Variants in MVB12B observed in about 807,000 individuals in gnomAD.
MVB12B encodes multivesicular body subunit 12B, also known as ESCRT-I complex subunit MVB12B.
MVB12B carries 16 observed loss-of-function variants against 41.6 expected under a neutral mutation model. The ratio of observed to expected loss-of-function variants is 0.38; its 90% CI spans 0.26 to 0.58. MVB12B has a LOEUF of 0.58. Among genes scored for constraint, MVB12B ranks in the 20% least tolerant of loss-of-function variants. The probability of loss-of-function intolerance (pLI) is 0.62; values close to 1 mark genes in which losing one functional copy is unlikely to be tolerated. For synonymous variants in MVB12B, 133 were observed against 139.7 expected, an observed-to-expected ratio of 0.95 and a Z score of 0.34; for missense variants, 274 against 380.2, an observed-to-expected ratio of 0.72 and a Z score of 2.32.
intron 2 of MVB12B, among the ~76,000 whole-genome samples, chr9:126,357,054 T>C (rs908374205): frequency 1.3e-5 from 2 of 152,204 alleles, no homozygotes; most frequent in African/African-American, 4.8e-5. Context: ...ACCCCACTTC[T>C]AGGAAACCGT....
chr9:126,408,956 G>T (rs1387912047), intron 6 of MVB12B, among the ~76,000 whole-genome samples: 3 of 152,060 alleles, frequency 2.0e-5, no homozygotes, highest in Non-Finnish European at 4.4e-5. Flanking sequence ...CACCTGTCCC[G>T]CAGCGCCCAC....
In MVB12B at chr9:126,430,426, G is replaced by A. The variant is rs1298446406; in HGVS notation, c.757+8478G>A. 6.6e-5 allele frequency among the ~76,000 whole-genome samples: 10 copies of A among 152,114 alleles called. 1 individual carries two copies. The highest frequency in any genetic ancestry group is 6.5e-4 in the Admixed American group (10 of 15,274). Reference sequence around the variant, plus strand: ...CTGTGGCTCTGAAGGCCACTCCCAAGCTGCCTCTCCATCAGGCTTTTCTGA... The same window carrying A: ...CTGTGGCTCTGAAGGCCACTCCCAAACTGCCTCTCCATCAGGCTTTTCTGA... On this transcript the variant is annotated intron_variant, in intron 7 of 9. Transcript: ENST00000361171.
chr9:126,339,723 A>G (rs112305533), intron 1 of MVB12B, among the ~76,000 whole-genome samples: 9 of 152,158 alleles, frequency 5.9e-5, no homozygotes, highest in African/African-American at 1.2e-4. Context: ...CGCCTATCAC[A>G]TTTCTGACCA....
chr9:126,408,336 TA>T (rs1239045970), intron 6 of MVB12B: 2 of 152,218 alleles, frequency 1.3e-5, no homozygotes, highest in Non-Finnish European at 2.9e-5. Flanking sequence ...CACTCCTCAT[TA>T]AAAGAGATTT....
At chr9:126,381,034 G>T (rs776739728) in intron 2 of MVB12B, 30 bp from the exon 3 acceptor site, 1 of 1,593,138 alleles carries the variant, frequency 6.3e-7, no homozygotes, top group South Asian at 1.1e-5. Flanking sequence ...TGCCTTACCT[G>T]CAATCCTTTT....
intron 7 of MVB12B, chr9:126,448,178 C>T (rs1180886736): frequency 6.5e-6 from 1 of 154,774 alleles, no homozygotes; most frequent in Non-Finnish European, 1.4e-5. Flanking sequence ...CTCCTGTCCT[C>T]CTCTGCTGGA....
intron 7 of MVB12B, among the ~76,000 whole-genome samples, chr9:126,422,398 A>G (rs933627925): frequency 1.1e-4 from 17 of 152,178 alleles, no homozygotes; most frequent in Non-Finnish European, 2.2e-4. Context: ...ACACCCCTGG[A>G]GCATGAGTCT....
chr9:126,490,118 C>A (rs1833701433), intron 9 of MVB12B, among the ~76,000 whole-genome samples: 1 of 152,088 alleles, frequency 6.6e-6, no homozygotes, highest in South Asian at 2.1e-4. Flanking sequence ...TATAAATATT[C>A]TCTGTCTCTG....
At chr9:126,488,248 G>A (rs548470613) in intron 9 of MVB12B, among the ~76,000 whole-genome samples, 4 of 150,988 alleles carry the variant, frequency 2.6e-5, no homozygotes, top group African/African-American at 9.7e-5. Context: ...TTTATAACAG[G>A]TCTGGCTGCC....
intron 7 of MVB12B, among the ~76,000 whole-genome samples, chr9:126,430,409 C>T (rs1832299029): frequency 6.6e-6 from 1 of 152,138 alleles, no homozygotes; most frequent in Non-Finnish European, 1.5e-5. Flanking sequence ...GGCTGTGGCT[C>T]TGAAGGCCAC....
intron 2 of MVB12B, among the ~76,000 whole-genome samples, chr9:126,356,537 T>C (rs905355614): frequency 6.6e-6 from 1 of 152,134 alleles, no homozygotes; most frequent in Non-Finnish European, 1.5e-5. Context: ...TGGGACACCA[T>C]CATCACAGTT....
At chr9:126,385,958 A>T (rs907605207) in intron 3 of MVB12B, among the ~76,000 whole-genome samples, 1 of 152,210 alleles carries the variant, frequency 6.6e-6, no homozygotes, top group South Asian at 2.1e-4. Flanking sequence ...TGGACCCCAT[A>T]TACTACCACT....
At chr9:126,332,617 G>T (rs117792092) in intron 1 of MVB12B, among the ~76,000 whole-genome samples, 1,630 of 152,282 alleles carry the variant, frequency 0.011, 49 homozygotes, top group East Asian at 0.065. Context: ...GGAGGAATCA[G>T]TGACCCCAGA....
chr9:126,449,383 G>T (rs544783134), intron 7 of MVB12B, among the ~76,000 whole-genome samples: 1 of 152,128 alleles, frequency 6.6e-6, no homozygotes, highest in Admixed American at 6.5e-5. Context: ...GAGAAGACCC[G>T]CAGGCCCTTT....
At chr9:126,464,226 C>T (rs1290471446) in intron 7 of MVB12B, among the ~76,000 whole-genome samples, 1 of 152,146 alleles carries the variant, frequency 6.6e-6, no homozygotes, top group African/African-American at 2.4e-5. Context: ...GGAGGCAGCC[C>T]AGGGGGTAAC....
intron 1 of MVB12B, among the ~76,000 whole-genome samples, chr9:126,337,904 GGGAAATGT>G (rs1241709012): frequency 6.6e-6 from 1 of 152,198 alleles, no homozygotes; most frequent in Non-Finnish European, 1.5e-5. Context: ...CGCGCGGCCT[GGGAAATGT>G]GGAGCGCTAG....
intron 7 of MVB12B, among the ~76,000 whole-genome samples, chr9:126,438,429 A>G (rs1254725891): frequency 6.6e-6 from 1 of 152,228 alleles, no homozygotes; most frequent in East Asian, 1.9e-4. Context: ...AAAGGTGTCA[A>G]TGATAATTCG....
intron 7 of MVB12B, among the ~76,000 whole-genome samples, chr9:126,425,806 C>G (rs905773648): frequency 1.3e-5 from 2 of 152,258 alleles, no homozygotes; most frequent in East Asian, 3.9e-4. Flanking sequence ...CAGTGTGTCA[C>G]TCTGTAGGGT....
At position 126,340,535 on chromosome 9, in the gene MVB12B, G is replaced by C. The variant is rs775267564; in HGVS notation, c.109G>C (p.Asp37His). The C allele has an allele frequency of 1.2e-6, 2 of 1,614,142 alleles. No individual in the cohort carries two copies. The highest frequency in any genetic ancestry group is 1.1e-5 in the South Asian group (1 of 91,064). Residue 37 changes from aspartate (D) to histidine (H), a missense_variant, in exon 2 of 10, where the codon GAC (aspartate) becomes CAC (histidine). By Grantham distance (81) the Asp-to-His change is moderately conservative. Coordinates refer to ENST00000361171, the MANE Select transcript of MVB12B (RefSeq NM_033446.3). The surrounding 1 kb of genome is among the most constrained non-coding windows in gnomAD (Gnocchi z 4.0). ...TDQSTMPEVK[D>H]LSEALPETSM... ...CCAGTCCACCATGCCTGAAGTCAAA[G>C]ACCTCTCAGAAGCCTTGCCAGAAAC... is the stretch of plus-strand genomic sequence containing the variant.
Sources: gnomAD v4.1 joint callset for allele counts (sites outside exome capture counted in the v4.1 genomes callset) on GRCh38, gnomAD v4.1.1 for gene constraint, Gnocchi (gnomAD v3.1) non-coding constraint, MANE v1.5 for transcripts, NCBI Gene and HGNC (gene_info 2026-07-23, HGNC 2026-07-21) for gene names.